The following UGGT2 variants were observed in gnomAD, a reference collection of about 807,000 sequenced individuals.
The protein encoded by UGGT2 is UDP-glucose glycoprotein glucosyltransferase 2, also known as UDP-glucose:glycoprotein glucosyltransferase 2.
In UGGT2, 180 loss-of-function variants were observed where a neutral mutation model predicts 192.1. That is an observed-to-expected ratio of 0.94 (90% CI 0.83 to 1.06). The LOEUF (loss-of-function observed/expected upper bound fraction) is 1.06. Among genes scored for constraint, UGGT2 ranks in the 50% least tolerant of loss-of-function variants. The pLI, the probability that UGGT2 is intolerant of heterozygous loss-of-function variation, is 0.00. For synonymous variants in UGGT2, 580 were observed against 591.0 expected (o/e 0.98, Z 0.27); for missense variants, 1,849 against 1,795.7 (o/e 1.03, Z -0.54).
chr13:95,970,264 T>G lies in UGGT2; in HGVS notation c.1185-2A>C. Reference sequence around the variant, plus strand: ...TCTAATTTCAGCATATCCAAAATACTATATATTCAAAGAAAAAACAGTTTT... The same window carrying G: ...TCTAATTTCAGCATATCCAAAATACGATATATTCAAAGAAAAAACAGTTTT... On this transcript the variant is annotated splice_acceptor_variant, in intron 11 of 38. Transcript: ENST00000376747. LOFTEE classifies it high-confidence loss of function. 6.3e-7 allele frequency: 1 copy of G among 1,582,948 alleles called. No homozygotes were observed. Among genetic ancestry groups the G allele is most frequent in the African/African-American group, 1.4e-5 (1 of 73,012 alleles).
At chr13:95,966,891 A>C (rs1273106864) in intron 12 of UGGT2, among the ~76,000 whole-genome samples, 1 of 152,118 alleles carries the variant, frequency 6.6e-6, no homozygotes, top group Non-Finnish European at 1.5e-5. Context: ...ATAATTCTAT[A>C]TTTTTTACTT....
At position 96,016,670 on chromosome 13, in the gene UGGT2, C is replaced by G. The variant is rs143523817; in HGVS notation, c.486-3189G>C. Among the ~76,000 whole-genome samples, 104 of 152,338 alleles carry G rather than the reference C, an allele frequency of 6.8e-4. 1 individual carries two copies. The East Asian group carries it at 0.015, about 22-fold the overall frequency. On this transcript the variant is annotated intron_variant, in intron 4 of 38. Coordinates refer to ENST00000376747, the MANE Select transcript of UGGT2 (RefSeq NM_020121.4). ...GCCTGGTGCCCAGGCAGGAGCCTGC[C>G]ACACAGGCAAGGCCCCCACAGATAT...
At chr13:95,934,984 T>C (rs1001559066) in intron 17 of UGGT2, among the ~76,000 whole-genome samples, 3 of 152,228 alleles carry the variant, frequency 2.0e-5, no homozygotes, top group Non-Finnish European at 4.4e-5. Flanking sequence ...TTAAGTCTTC[T>C]TGTTGAACAC....
At chr13:95,932,642 G>T (rs191581502) in intron 17 of UGGT2, among the ~76,000 whole-genome samples, 10 of 152,218 alleles carry the variant, frequency 6.6e-5, no homozygotes, top group Non-Finnish European at 1.2e-4. Flanking sequence ...TAGGAATAGT[G>T]AGACTGGGCA....
At chr13:95,997,398 AAC>A (rs2051658317) in intron 6 of UGGT2, among the ~76,000 whole-genome samples, 1 of 152,170 alleles carries the variant, frequency 6.6e-6, no homozygotes, top group African/African-American at 2.4e-5. Context: ...CTGTAATCCC[AAC>A]ACTTTGGGAG....
At chr13:95,902,530 C>CA (rs975849408) in intron 21 of UGGT2, among the ~76,000 whole-genome samples, 2 of 151,876 alleles carry the variant, frequency 1.3e-5, no homozygotes, top group African/African-American at 2.4e-5. Context: ...AAACCCCCCC[C>CA]ATAATGGACC....
At chr13:95,878,277 T>C (rs2047397402) in intron 27 of UGGT2, among the ~76,000 whole-genome samples, 1 of 152,098 alleles carries the variant, frequency 6.6e-6, no homozygotes, top group South Asian at 2.1e-4. Flanking sequence ...TAATTATAAA[T>C]TGATCGATAT....
chr13:95,988,408 C>A (rs1594518069), intron 8 of UGGT2, among the ~76,000 whole-genome samples: 1 of 152,150 alleles, frequency 6.6e-6, no homozygotes, highest in East Asian at 1.9e-4. Flanking sequence ...ACTACTACCT[C>A]AGTTTAGTGT....
intron 36 of UGGT2, among the ~76,000 whole-genome samples, chr13:95,847,052 TTTTC>T (rs1888536706): frequency 4.2e-5 from 3 of 71,964 alleles, no homozygotes; most frequent in East Asian, 5.1e-4. Context: ...CTTTCTTTTC[TTTTC>T]TTTTCTTTTT....
At chr13:95,871,562 G>A (rs894727381) in intron 29 of UGGT2, among the ~76,000 whole-genome samples, 6 of 152,230 alleles carry the variant, frequency 3.9e-5, no homozygotes, top group Admixed American at 3.9e-4. Context: ...GGGAAAGTTA[G>A]AAGTGTACAT....
chr13:95,952,556 G>C (rs1040888997), intron 12 of UGGT2, among the ~76,000 whole-genome samples: 1 of 151,900 alleles, frequency 6.6e-6, no homozygotes, highest in African/African-American at 2.4e-5. Flanking sequence ...TTTTTTTATT[G>C]TTTTTCTTTT....
chr13:96,026,703 C>T (rs1477441880), intron 2 of UGGT2, among the ~76,000 whole-genome samples: 7 of 128,766 alleles, frequency 5.4e-5, no homozygotes, highest in Middle Eastern at 6.8e-3. Context: ...CTCGCTCTGT[C>T]GCCCAGGTCG....
intron 1 of UGGT2, among the ~76,000 whole-genome samples, chr13:96,048,030 T>C (rs2053370265): frequency 6.6e-6 from 1 of 152,140 alleles, no homozygotes; most frequent in Non-Finnish European, 1.5e-5. Context: ...CAACAGAATA[T>C]ACGTTCTTCT....
intron 5 of UGGT2, among the ~76,000 whole-genome samples, chr13:96,008,893 T>C (rs1379629120): frequency 6.6e-6 from 1 of 152,190 alleles, no homozygotes; most frequent in Non-Finnish European, 1.5e-5. Context: ...AAATTTTATA[T>C]GGAACAAAAG....
intron 20 of UGGT2, among the ~76,000 whole-genome samples, chr13:95,909,463 G>A (rs1364114442): frequency 1.3e-5 from 2 of 151,216 alleles, no homozygotes; most frequent in African/African-American, 2.4e-5. Flanking sequence ...GGACATGGAT[G>A]AAACTGGAAA....
chr13:95,832,020 G>T (rs1379588674), intron 38 of UGGT2, among the ~76,000 whole-genome samples: 1 of 143,794 alleles, frequency 7.0e-6, no homozygotes, highest in African/African-American at 2.6e-5. Flanking sequence ...AACACACCAA[G>T]AAAACTTTTT....
intron 1 of UGGT2, among the ~76,000 whole-genome samples, chr13:96,045,313 A>T (rs2053277432): frequency 6.6e-6 from 1 of 152,118 alleles, no homozygotes; most frequent in African/African-American, 2.4e-5. Context: ...TCTCAACAAA[A>T]TCGGCATACA....
rs555964690 is a variant in UGGT2, at chr13:96,036,051, A to G, written c.159-4080T>C. 9.8e-5 allele frequency among the ~76,000 whole-genome samples: 15 copies of G among 152,368 alleles called. No homozygotes were observed. In the East Asian group the frequency reaches 1.7e-3, roughly 18 times the overall value. ...TACCATTTGACCCAGCAATCCCATT[A>G]CTGGGTGTATACCCAAAGGAATATA... On this transcript the variant is annotated intron_variant, in intron 1 of 38. Transcript: ENST00000376747.
chr13:96,051,335 G>A lies in UGGT2; in HGVS notation c.158+1820C>T, dbSNP rs777663423. On this transcript the variant is annotated intron_variant, in intron 1 of 38. Coordinates refer to ENST00000376747, the MANE Select transcript of UGGT2 (RefSeq NM_020121.4). The stretch of plus-strand genomic sequence containing the variant: ...CATCACACACCAGGGCCTGTTGTGG[G>A]GTTGGGGGAGCGGGGGATAGCATTA... Among the ~76,000 whole-genome samples the A allele has an allele frequency of 5.9e-4, 90 of 152,188 alleles. 1 individual carries two copies. Among genetic ancestry groups the A allele is most frequent in the Non-Finnish European group, 2.2e-4 (15 of 68,048 alleles).
Sources: allele counts gnomAD v4.1 joint callset (sites outside exome capture counted in the v4.1 genomes callset), GRCh38; gene constraint gnomAD v4.1.1; transcripts MANE v1.5; gene names NCBI Gene and HGNC (gene_info 2026-07-23, HGNC 2026-07-21).